Variants in FREM1 observed in about 807,000 individuals in gnomAD.
FREM1 encodes FRAS1 related extracellular matrix 1, also known as FRAS1-related extracellular matrix protein 1.
A neutral mutation model predicts 210.1 loss-of-function variants in FREM1; 220 were observed. That is an observed-to-expected ratio of 1.05 (90% CI 0.94 to 1.17). The LOEUF (loss-of-function observed/expected upper bound fraction) is 1.17. FREM1 is among the 50% of genes most tolerant of loss of function. FREM1 has a pLI of 0.00. For synonymous variants in FREM1, 1,189 were observed against 980.2 expected (o/e 1.21, Z -3.98); for missense variants, 3,454 against 2,675.5 (o/e 1.29, Z -6.42).
intron 10 of FREM1, among the ~76,000 whole-genome samples, chr9:14,827,210 T>C (rs1198158967): frequency 2.0e-5 from 3 of 152,154 alleles, no homozygotes; most frequent in Non-Finnish European, 4.4e-5. Context: ...ATTACCTAAG[T>C]GGTCATAATC....
intron 21 of FREM1, among the ~76,000 whole-genome samples, chr9:14,795,313 A>G (rs575128207): frequency 6.6e-6 from 1 of 152,328 alleles, no homozygotes; most frequent in African/African-American, 2.4e-5. Context: ...GAGAGAAGTT[A>G]AACAACATGT....
chr9:14,777,384 AAGTT>A (rs145388392), intron 24 of FREM1, among the ~76,000 whole-genome samples: 20,019 of 152,058 alleles, frequency 0.13, 1,424 homozygotes, highest in Non-Finnish European at 0.16. Flanking sequence ...AAACTCCAAA[AAGTT>A]AGGAAATCGT....
rs1488552012 is a variant in FREM1, at chr9:14,892,741, G to A, written c.-268+17173C>T. Among the ~76,000 whole-genome samples the A allele has an allele frequency of 2.0e-5, 3 of 152,110 alleles. No homozygotes were observed. In the East Asian group the frequency reaches 5.8e-4, roughly 29 times the overall value. ...AAGATCCCTCTTCTACTGACAAGCT[G>A]CCGCCTGAACTTTTCAGTGTCGCTG... On this transcript the variant is annotated intron_variant, in intron 1 of 36. Coordinates refer to ENST00000380880, the MANE Select transcript of FREM1 (RefSeq NM_001379081.2).
intron 19 of FREM1, 66 bp from the exon 20 acceptor site, chr9:14,801,940 T>A: frequency 8.3e-7 from 1 of 1,208,310 alleles, no homozygotes; most frequent in Non-Finnish European, 1.2e-6. Context: ...TTTGGAAAAC[T>A]GCTTAAAGAA....
intron 36 of FREM1, among the ~76,000 whole-genome samples, chr9:14,739,495 A>T (rs1003052949): frequency 6.9e-6 from 1 of 145,244 alleles, no homozygotes; most frequent in Non-Finnish European, 1.5e-5. Context: ...ATATATATTC[A>T]TATATATATG....
At chr9:14,807,814 T>C in intron 17 of FREM1, 126 bp downstream of exon 17, 1 of 702,440 alleles carries the variant, frequency 1.4e-6, no homozygotes, top group East Asian at 2.7e-5. Flanking sequence ...GTTGAGGTAA[T>C]TATTGAAGGA....
At chr9:14,752,847 C>CT (rs2132106342) in intron 29 of FREM1, among the ~76,000 whole-genome samples, 1 of 151,070 alleles carries the variant, frequency 6.6e-6, no homozygotes, top group African/African-American at 2.5e-5. Flanking sequence ...TTATAGTACC[C>CT]CCCAAACAAA....
chr9:14,773,435 G>A (rs1208311389), intron 25 of FREM1, among the ~76,000 whole-genome samples: 1 of 152,070 alleles, frequency 6.6e-6, no homozygotes, highest in East Asian at 1.9e-4. Flanking sequence ...ATATTGTCTT[G>A]GCAGAAAAAG....
intron 1 of FREM1, among the ~76,000 whole-genome samples, chr9:14,876,216 C>T (rs571012232): frequency 1.7e-4 from 26 of 152,264 alleles, no homozygotes; most frequent in African/African-American, 6.3e-4. Context: ...AGCTGTCAGA[C>T]AGGGACATTT....
At position 14,856,017 on chromosome 9, in the gene FREM1, C is replaced by G. The variant is rs572737260; in HGVS notation, c.828+1536G>C. Among the ~76,000 whole-genome samples, 4 of 152,028 alleles carry G rather than the reference C, an allele frequency of 2.6e-5. No homozygotes were observed. In the South Asian group the frequency reaches 8.3e-4, roughly 32 times the overall value. On this transcript the variant is annotated intron_variant, in intron 5 of 36. Coordinates refer to ENST00000380880, the MANE Select transcript of FREM1 (RefSeq NM_001379081.2). ...GGTATGTCACTTCTCGGGGCCACCA[C>G]TATAAAATAGGAAGCTTGAGCTAAA...
At chr9:14,907,927 T>C (rs1379305114) in intron 1 of FREM1, among the ~76,000 whole-genome samples, 2 of 152,166 alleles carry the variant, frequency 1.3e-5, no homozygotes, top group East Asian at 3.9e-4. Context: ...CTTCCAAGGC[T>C]GGTTAGCAAC....
At position 14,851,630 on chromosome 9, in the gene FREM1, T is replaced by C. The variant is rs544739175; in HGVS notation, c.829-23A>G. Reference sequence around the variant, plus strand: ...TGACTTTTGAAGGATAGAGAAAATATAAAGGAGGAAATAATATGAATGAGG... The same window carrying C: ...TGACTTTTGAAGGATAGAGAAAATACAAAGGAGGAAATAATATGAATGAGG... On this transcript the variant is annotated intron_variant, in intron 5 of 36. Transcript: ENST00000380880. 3.9e-6 allele frequency: 6 copies of C among 1,527,980 alleles called. No homozygotes were observed. In the African/African-American group the frequency reaches 8.2e-5, roughly 21 times the overall value. 94.7% of individuals were successfully genotyped at this position (1,527,980 alleles called of 1,614,324 possible).
chr9:14,861,312 CATATATACACATATAT>C lies in FREM1; in HGVS notation c.330-1844_330-1829del, dbSNP rs1564108393. Reference sequence around the variant, plus strand: ...ATATATACATATATACACATATATACATATATACACATATATACATATATACACATATATATACATA... The same window carrying C: ...ATATATACATATATACACATATATACACATATATACACATATATATACATA... On this transcript the variant is annotated intron_variant, in intron 3 of 36. Coordinates refer to ENST00000380880, the MANE Select transcript of FREM1 (RefSeq NM_001379081.2). Among the ~76,000 whole-genome samples the C allele has an allele frequency of 3.9e-5, 4 of 103,532 alleles. 1 individual carries two copies. In the East Asian group the frequency reaches 9.9e-4, roughly 26 times the overall value. 67.9% of individuals were successfully genotyped at this position (103,532 alleles called of 152,430 possible). A position where few individuals can be genotyped will look rare whatever the true frequency, so the allele number is the denominator to read the frequency against.
At chr9:14,877,889 T>C (rs1179442425) in intron 1 of FREM1, among the ~76,000 whole-genome samples, 1 of 152,192 alleles carries the variant, frequency 6.6e-6, no homozygotes, top group Non-Finnish European at 1.5e-5. Flanking sequence ...CCACAAAGTT[T>C]ATAGTGATTT....
At chr9:14,837,549 G>A (rs1026989986) in intron 10 of FREM1, among the ~76,000 whole-genome samples, 4 of 151,948 alleles carry the variant, frequency 2.6e-5, no homozygotes, top group African/African-American at 4.8e-5. Flanking sequence ...CTTACACAAA[G>A]AACACATTGG....
chr9:14,763,473 C>T (rs1345295285), intron 27 of FREM1, among the ~76,000 whole-genome samples: 2 of 152,020 alleles, frequency 1.3e-5, no homozygotes, highest in African/African-American at 4.8e-5. Flanking sequence ...CCAGCCTGGG[C>T]GGCAGAGCAA....
intron 5 of FREM1, among the ~76,000 whole-genome samples, chr9:14,857,034 G>T (rs913156389): frequency 1.2e-4 from 18 of 152,108 alleles, no homozygotes; most frequent in Non-Finnish European, 2.9e-5. Context: ...GAGATTGGAA[G>T]ACGCAGGAGG....
At chr9:14,896,746 G>A (rs529666840) in intron 1 of FREM1, among the ~76,000 whole-genome samples, 4 of 152,088 alleles carry the variant, frequency 2.6e-5, no homozygotes, top group Admixed American at 6.5e-5. Context: ...AATGGTATTC[G>A]CTGTGATAGC....
chr9:14,742,633 A>G (rs560567942), intron 35 of FREM1, among the ~76,000 whole-genome samples: 1 of 152,262 alleles, frequency 6.6e-6, no homozygotes, highest in East Asian at 1.9e-4. Flanking sequence ...TTTCAGAAAT[A>G]TTTGTTAAAT....
Sources: gnomAD v4.1 joint callset for allele counts (sites outside exome capture counted in the v4.1 genomes callset) on GRCh38, gnomAD v4.1.1 for gene constraint, MANE v1.5 for transcripts, NCBI Gene and HGNC (gene_info 2026-07-23, HGNC 2026-07-21) for gene names.